Variants in UTP20 observed in about 807,000 individuals in gnomAD.
The protein encoded by UTP20 is UTP20 small subunit processome component.
In UTP20, 164 loss-of-function variants were observed where a neutral mutation model predicts 329.5. The ratio of observed to expected loss-of-function variants is 0.50; its 90% CI spans 0.44 to 0.57. The LOEUF (loss-of-function observed/expected upper bound fraction) is 0.57, where lower values mean the gene tolerates loss of function less well. Ranked by LOEUF, UTP20 falls within the 20% of genes least tolerant of loss-of-function variation. UTP20 has a pLI of 0.00. For synonymous variants in UTP20, 1,151 were observed against 1,159.3 expected, an observed-to-expected ratio of 0.99 and a Z score of 0.14; for missense variants, 3,055 against 3,284.2, an observed-to-expected ratio of 0.93 and a Z score of 1.71.
In UTP20 at chr12:101,319,584, A is replaced by G. The variant is rs1873082314; in HGVS notation, c.2778A>G (p.Ser926=). The change falls in exon 23 of 62, where the codon TCA becomes TCG. Residue 926 remains serine (S), a synonymous_variant. Transcript: ENST00000261637. The part of the protein sequence containing the change: ...IAHLQVFSKF[S]NPRALYLESK... ...ATTTGCAAGTTTTCTCTAAATTTTC[A>G]AATCCACGGGCCTTATATCTGGAAT... 3 of 1,608,284 alleles carry G rather than the reference A, an allele frequency of 1.9e-6. No homozygotes were observed. Among genetic ancestry groups the G allele is most frequent in the Non-Finnish European group, 1.7e-6 (2 of 1,179,188 alleles).
chr12:101,380,230 T>C (rs768178328), intron 57 of UTP20, among the ~76,000 whole-genome samples: 1 of 151,666 alleles, frequency 6.6e-6, no homozygotes, highest in Non-Finnish European at 1.5e-5. Flanking sequence ...GTACAGAAAT[T>C]AGCTGGGCAT....
chr12:101,302,376 A>G (rs1033004289), intron 14 of UTP20, 72 bp from the exon 15 acceptor site: 6 of 884,478 alleles, frequency 6.8e-6, no homozygotes, highest in African/African-American at 5.2e-5. Flanking sequence ...AGTATTCAAT[A>G]AATAAGGTGT....
chr12:101,385,121 T>C (rs1301392651), intron 60 of UTP20, among the ~76,000 whole-genome samples: 1 of 148,612 alleles, frequency 6.7e-6, no homozygotes. Context: ...AAAAAGTTAC[T>C]GTGGGCAGAG....
In UTP20 at chr12:101,362,031, T is replaced by C. The variant is rs12309241; in HGVS notation, c.5761T>C (p.Leu1921=). 134,614 of 1,613,000 alleles carry C rather than the reference T, an allele frequency of 0.083. 24,244 individuals carry two copies. Among genetic ancestry groups the C allele is most frequent in the African/African-American group, 0.59 (44,197 of 74,820 alleles). The change falls in exon 44 of 62, where the codon TTG becomes CTG. Residue 1921 remains leucine (L), a synonymous_variant. Coordinates refer to ENST00000261637, the MANE Select transcript of UTP20 (RefSeq NM_014503.3). ...GLTNKLQVGD[L]DSCLDIMIEI... ...CACCAATAAGCTGCAGGTCGGAGAT[T>C]TGGACTCTTGTTTAGATATAATGAT...
At chr12:101,348,407 T>C (rs1869402505) in intron 38 of UTP20, among the ~76,000 whole-genome samples, 2 of 152,114 alleles carry the variant, frequency 1.3e-5, no homozygotes, top group Non-Finnish European at 2.9e-5. Context: ...TTATCTCCAT[T>C]GGCTTATTAG....
intron 14 of UTP20, 97 bp downstream of exon 14, chr12:101,300,158 T>C: frequency 8.4e-7 from 1 of 1,187,082 alleles, no homozygotes; most frequent in Admixed American, 1.8e-5. Context: ...ACTTACATTG[T>C]GTTCTGGCAT....
intron 31 of UTP20, among the ~76,000 whole-genome samples, chr12:101,339,327 A>ATAAAT (rs1243297778): frequency 6.6e-6 from 1 of 152,056 alleles, no homozygotes; most frequent in Non-Finnish European, 1.5e-5. Flanking sequence ...ATAAAATAAA[A>ATAAAT]TAAAATAAAT....
At position 101,373,791 on chromosome 12, in the gene UTP20, T is replaced by C. The variant is rs1318575017; in HGVS notation, c.7131+24T>C. 9 of 1,602,860 alleles carry C rather than the reference T, an allele frequency of 5.6e-6. No homozygotes were observed. The East Asian group carries it at 1.8e-4, about 32-fold the overall frequency. On this transcript the variant is annotated intron_variant, in intron 54 of 61. Coordinates refer to ENST00000261637, the MANE Select transcript of UTP20 (RefSeq NM_014503.3). ...AGGTGTGCGTTGCTTTTAGTCACAG[T>C]TCAGTGACAAGTCTTAGCTTTGGGG...
intron 52 of UTP20, 53 bp downstream of exon 52, chr12:101,373,016 T>G (rs1283409125): frequency 6.9e-7 from 1 of 1,458,388 alleles, no homozygotes; most frequent in Non-Finnish European, 9.6e-7. Context: ...CTTCTTTCCC[T>G]TTAACATGGC....
chr12:101,373,585 G>A lies in UTP20; in HGVS notation c.6949G>A (p.Gly2317Arg). ...CTCACACGTGCCTCTTTTCTTTTAG[G>A]GGCTGCTCCATGAGAACTGCGGAAT... ...IAYLFDTFPQ[G>R]LLHENCGMFF... The change falls in exon 54 of 62, where the codon GGG (glycine) becomes AGG (arginine). Residue 2317 changes from glycine (G) to arginine (R), a missense_variant and splice_region_variant. Physicochemically the swap from Gly to Arg is moderately radical, Grantham distance 125. Around this residue, in one of 3 missense-constraint regions of UTP20, gnomAD observed 273 missense variants for 363.1 expected, o/e 0.75. Coordinates refer to ENST00000261637, the MANE Select transcript of UTP20 (RefSeq NM_014503.3). The A allele has an allele frequency of 6.2e-7, 1 of 1,610,746 alleles. No homozygotes were observed. Among genetic ancestry groups the A allele is most frequent in the Non-Finnish European group, 8.5e-7 (1 of 1,178,190 alleles).
At chr12:101,332,318 C>T (rs1868785544) in intron 27 of UTP20, among the ~76,000 whole-genome samples, 1 of 152,164 alleles carries the variant, frequency 6.6e-6, no homozygotes, top group Admixed American at 6.5e-5. Context: ...ACCTGGGCAA[C>T]AAGAGCGAAG....
rs149770850 is a variant in UTP20 at position 101,336,467 on chromosome 12, A to G, written c.3642-1584A>G. ...CAAAAACTTATTAATTAGGGTGAAC[A>G]TGTACTTTTTTGTCCAAACTGAAAA... On this transcript the variant is annotated intron_variant, in intron 29 of 61. Coordinates refer to ENST00000261637, the MANE Select transcript of UTP20 (RefSeq NM_014503.3). Among the ~76,000 whole-genome samples, 916 of 152,336 alleles carry G rather than the reference A, an allele frequency of 6.0e-3. 11 individuals carry two copies. The highest frequency in any genetic ancestry group is 0.021 in the African/African-American group (856 of 41,576).
intron 11 of UTP20, among the ~76,000 whole-genome samples, chr12:101,295,029 A>C (rs1158228672): frequency 1.3e-5 from 2 of 152,200 alleles, no homozygotes; most frequent in Non-Finnish European, 2.9e-5. Context: ...CTCCTGGAGC[A>C]AGTCCAGTCT....
chr12:101,375,509 G>T, intron 55 of UTP20, 115 bp from the exon 56 acceptor site: 1 of 1,046,574 alleles, frequency 9.6e-7, no homozygotes. Flanking sequence ...GGCCCACAAT[G>T]TCAGGAGTGC....
At chr12:101,356,099 A>T (rs12304082) in intron 41 of UTP20, among the ~76,000 whole-genome samples, 33,389 of 152,216 alleles carry the variant, frequency 0.22, 8,318 homozygotes, top group African/African-American at 0.58. Flanking sequence ...AATGGGCTTA[A>T]GATCTATAGA....
rs202185106 is a variant in UTP20, at chr12:101,384,159, T to C, written c.8056+490T>C. Among the ~76,000 whole-genome samples the C allele has an allele frequency of 2.6e-4, 39 of 152,304 alleles. No homozygotes were observed. The East Asian group carries it at 6.0e-3, about 23-fold the overall frequency. On this transcript the variant is annotated intron_variant, in intron 60 of 61. Transcript: ENST00000261637. ...TGCTTTATCCTCAACATAGATTAAATAGTCAAAGAAAACTATGGTTCAGGG... is the reference window on the plus strand; with the variant it reads ...TGCTTTATCCTCAACATAGATTAAACAGTCAAAGAAAACTATGGTTCAGGG...
chr12:101,367,006 A>G (rs932688640), intron 47 of UTP20, among the ~76,000 whole-genome samples: 1 of 152,126 alleles, frequency 6.6e-6, no homozygotes, highest in African/African-American at 2.4e-5. Flanking sequence ...GTGGCCAGAC[A>G]TGGTGGCTCA....
Position 101,338,038 on chromosome 12 carries a change from T to C in UTP20, c.3642-13T>C, listed in dbSNP as rs772221134. On this transcript the variant is annotated splice_polypyrimidine_tract_variant and intron_variant, in intron 29 of 61. Transcript: ENST00000261637. ...TGAGAATAAGATGATTACTACAATG[T>C]TTTTTCTTCCAGATATTTCCCTTTG... The C allele has an allele frequency of 5.6e-6, 9 of 1,612,342 alleles. No individual in the cohort carries two copies. In the Admixed American group the frequency reaches 1.0e-4, roughly 18 times the overall value.
In UTP20 at chr12:101,386,436, G is replaced by A. The variant is rs1027004256; in HGVS notation, c.*313G>A. 5 of 195,972 alleles carry A rather than the reference G, an allele frequency of 2.6e-5. No individual in the cohort carries two copies. The East Asian group carries it at 6.2e-4, about 24-fold the overall frequency. The allele number at this position is 195,972 out of a possible 1,614,324, so 12.1% of individuals were successfully genotyped here. A position where few individuals can be genotyped will look rare whatever the true frequency, so the allele number is the denominator to read the frequency against. On this transcript the variant is annotated 3_prime_UTR_variant, in exon 62 of 62. Coordinates refer to ENST00000261637, the MANE Select transcript of UTP20 (RefSeq NM_014503.3). ...TCGCCATGTTGGCCAGGCTGGTCTC[G>A]AACACCTGGGCTCAACTGATCCGCC... is the stretch of plus-strand genomic sequence containing the variant.
Sources: allele counts gnomAD v4.1 joint callset (sites outside exome capture counted in the v4.1 genomes callset), GRCh38; gene constraint gnomAD v4.1.1; regional missense constraint gnomAD v4.1.1; transcripts MANE v1.5; gene names NCBI Gene and HGNC (gene_info 2026-07-23, HGNC 2026-07-21).